The following RASAL2 variants were observed in gnomAD, a reference collection of about 807,000 sequenced individuals.
The protein encoded by RASAL2 is ras GTPase-activating protein nGAP.
A neutral mutation model predicts 128.9 loss-of-function variants in RASAL2; 58 were observed. That is an observed-to-expected ratio of 0.45 (90% CI 0.36 to 0.56). The LOEUF is 0.56. Among genes scored for constraint, RASAL2 ranks in the 20% least tolerant of loss-of-function variants. RASAL2 has a pLI of 0.00. For missense variants in RASAL2, 1,360 were observed against 1,601.6 expected (o/e 0.85, Z 2.57); for synonymous variants, 561 against 580.8 (o/e 0.97, Z 0.49).
chr1:178,325,196 C>T (rs1571861133), intron 3 of RASAL2, among the ~76,000 whole-genome samples: 2 of 152,012 alleles, frequency 1.3e-5, no homozygotes. Flanking sequence ...CGTGTTCTTT[C>T]TAACTCTGAA....
chr1:178,257,578 C>T (rs1665431194), intron 1 of RASAL2, among the ~76,000 whole-genome samples: 2 of 152,130 alleles, frequency 1.3e-5, no homozygotes, highest in South Asian at 4.1e-4. Context: ...TGGCTCACGC[C>T]TGTAATCCCT....
At chr1:178,182,434 A>G (rs1433453531) in intron 1 of RASAL2, among the ~76,000 whole-genome samples, 1 of 152,162 alleles carries the variant, frequency 6.6e-6, no homozygotes, top group African/African-American at 2.4e-5. Flanking sequence ...ATGTTTGTTT[A>G]TACTGGGGCA....
At position 178,202,437 on chromosome 1, in the gene RASAL2, A is replaced by T. The variant is rs188664179; in HGVS notation, c.203-81127A>T. 3.9e-5 allele frequency among the ~76,000 whole-genome samples: 6 copies of T among 152,338 alleles called. 2 individuals carry two copies. In the East Asian group the frequency reaches 1.2e-3, roughly 29 times the overall value. ...ATATGCAGGCACCACCTGAAAGTGG[A>T]CAGCTGCAGCACTACAGCCCCTTTC... On this transcript the variant is annotated intron_variant, in intron 1 of 17. Coordinates refer to ENST00000367649, the MANE Select transcript of RASAL2 (RefSeq NM_170692.4).
At chr1:178,142,630 T>G (rs1340445804) in intron 1 of RASAL2, among the ~76,000 whole-genome samples, 1 of 152,114 alleles carries the variant, frequency 6.6e-6, no homozygotes, top group African/African-American at 2.4e-5. Flanking sequence ...GTTTGAGTGT[T>G]TCGTTCATTT....
chr1:178,329,847 TAAAAA>T (rs532950956), intron 3 of RASAL2, among the ~76,000 whole-genome samples: 1 of 146,620 alleles, frequency 6.8e-6, no homozygotes, highest in Non-Finnish European at 1.5e-5. Flanking sequence ...TCCTGTCTCT[TAAAAA>T]AAAAAGGACA....
At chr1:178,195,489 C>T (rs1036087573) in intron 1 of RASAL2, among the ~76,000 whole-genome samples, 1 of 151,882 alleles carries the variant, frequency 6.6e-6, no homozygotes, top group Non-Finnish European at 1.5e-5. Flanking sequence ...GTGTGGCTCC[C>T]AAAGCCACAC....
At chr1:178,388,234 T>G (rs993399862) in intron 3 of RASAL2, among the ~76,000 whole-genome samples, 2 of 152,022 alleles carry the variant, frequency 1.3e-5, no homozygotes, top group African/African-American at 4.8e-5. Flanking sequence ...CCACATAGAG[T>G]CATCTAACTT....
chr1:178,310,555 T>C (rs1668193292), intron 3 of RASAL2, among the ~76,000 whole-genome samples: 1 of 152,224 alleles, frequency 6.6e-6, no homozygotes, highest in Non-Finnish European at 1.5e-5. Flanking sequence ...GTTACTCTTA[T>C]GAGCTAGATT....
chr1:178,216,985 A>T (rs758439589), intron 1 of RASAL2, among the ~76,000 whole-genome samples: 227 of 148,598 alleles, frequency 1.5e-3, no homozygotes, highest in East Asian at 4.0e-3. Flanking sequence ...TTATTTATTT[A>T]TTTTTTTGAG....
In RASAL2 at chr1:178,420,582, G is replaced by C; in HGVS notation, c.636G>C (p.Thr212=). The change falls in exon 5 of 18, where the codon ACG becomes ACC. Residue 212 remains threonine (T), a synonymous_variant. Coordinates refer to ENST00000367649, the MANE Select transcript of RASAL2 (RefSeq NM_170692.4). ...GCCAGTCAAAGCTTGACAGAAACAC[G>C]AGCTTTCGGCTTCCATCCCTTCGCA... ...TKSQSKLDRN[T]SFRLPSLRST... 2 of 1,612,792 alleles carry C rather than the reference G, an allele frequency of 1.2e-6. No homozygotes were observed. The highest frequency in any genetic ancestry group is 1.7e-6 in the Non-Finnish European group (2 of 1,179,176).
At chr1:178,116,470 A>G (rs1033226206) in intron 1 of RASAL2, among the ~76,000 whole-genome samples, 3 of 152,210 alleles carry the variant, frequency 2.0e-5, no homozygotes, top group Non-Finnish European at 4.4e-5. Flanking sequence ...CTAGAGTAGT[A>G]TAATAGTAGG....
intron 1 of RASAL2, among the ~76,000 whole-genome samples, chr1:178,244,236 T>A (rs1304917624): frequency 2.0e-5 from 3 of 152,036 alleles, no homozygotes; most frequent in African/African-American, 7.2e-5. Flanking sequence ...TTGGTAAACT[T>A]TTATTTCATT....
intron 9 of RASAL2, among the ~76,000 whole-genome samples, chr1:178,446,941 G>A (rs1677042691): frequency 6.6e-6 from 1 of 152,144 alleles, no homozygotes; most frequent in African/African-American, 2.4e-5. Flanking sequence ...AAGACATAGA[G>A]GTGGGACAGA....
chr1:178,450,583 T>C (rs879791863), intron 9 of RASAL2, among the ~76,000 whole-genome samples: 8 of 152,088 alleles, frequency 5.3e-5, no homozygotes, highest in Non-Finnish European at 1.2e-4. Context: ...CTGATGCTGC[T>C]ACTTAGTTTT....
intron 5 of RASAL2, among the ~76,000 whole-genome samples, chr1:178,438,282 T>C (rs1234966591): frequency 1.3e-5 from 2 of 152,106 alleles, no homozygotes; most frequent in Non-Finnish European, 2.9e-5. Context: ...ACTTTATAAT[T>C]TAACCAAAAG....
intron 3 of RASAL2, among the ~76,000 whole-genome samples, chr1:178,348,623 A>G (rs1424391502): frequency 6.6e-6 from 1 of 151,872 alleles, no homozygotes; most frequent in African/African-American, 2.4e-5. Context: ...CATGTATGTT[A>G]TACTTCAGTA....
At chr1:178,306,930 G>A (rs1177633424) in intron 3 of RASAL2, among the ~76,000 whole-genome samples, 3 of 150,728 alleles carry the variant, frequency 2.0e-5, no homozygotes, top group African/African-American at 7.3e-5. Context: ...TAAGTTAGTG[G>A]GTGCAGTGCA....
chr1:178,433,868 GATTGCACC>G (rs1676084218), intron 5 of RASAL2, among the ~76,000 whole-genome samples: 1 of 149,222 alleles, frequency 6.7e-6, no homozygotes, highest in South Asian at 2.1e-4. Flanking sequence ...AGTGAGCTGA[GATTGCACC>G]ACTGCACTCC....
intron 2 of RASAL2, among the ~76,000 whole-genome samples, chr1:178,293,662 C>T (rs1667376799): frequency 6.6e-6 from 1 of 152,218 alleles, no homozygotes; most frequent in Admixed American, 6.5e-5. Flanking sequence ...ATGCTTTTTC[C>T]TTTGCCTAAA....
Sources: allele counts gnomAD v4.1 joint callset (sites outside exome capture counted in the v4.1 genomes callset), GRCh38; gene constraint gnomAD v4.1.1; transcripts MANE v1.5; gene names NCBI Gene and HGNC (gene_info 2026-07-23, HGNC 2026-07-21).